Variants in EPC1 observed in about 807,000 individuals in gnomAD.
The protein encoded by EPC1 is enhancer of polycomb homolog 1.
A neutral mutation model predicts 98.4 loss-of-function variants in EPC1; 12 were observed. The ratio of observed to expected loss-of-function variants is 0.12; its 90% CI spans 0.08 to 0.20. EPC1 has a LOEUF of 0.20. EPC1 is among the 10% of genes least tolerant of loss of function. The probability of loss-of-function intolerance (pLI) is 1.00; values close to 1 mark genes in which losing one functional copy is unlikely to be tolerated. For missense variants in EPC1, 729 were observed against 990.5 expected, an observed-to-expected ratio of 0.74 and a Z score of 3.54; for synonymous variants, 357 against 363.9, an observed-to-expected ratio of 0.98 and a Z score of 0.21.
In EPC1 at chr10:32,269,088, T is replaced by C. The variant is rs1256610790; in HGVS notation, c.2417A>G (p.Asn806Ser). The C allele has an allele frequency of 3.1e-6, 5 of 1,613,912 alleles. No homozygotes were observed. Among genetic ancestry groups the C allele is most frequent in the Non-Finnish European group, 4.2e-6 (5 of 1,179,938 alleles). The change falls in exon 14 of 14, where the codon AAC becomes AGC. Residue 806 changes from asparagine (N) to serine (S), a missense_variant. Asn to Ser is a conservative substitution (Grantham distance 46). Around this residue, in one of 6 missense-constraint regions of EPC1, gnomAD observed 156 missense variants for 188.9 expected, o/e 0.83. Coordinates refer to ENST00000319778, the MANE Select transcript of EPC1 (RefSeq NM_001272004.3). ...CTACGTCACCTCCATCGCTACTGTG[T>C]TGTCTGCTATGTTGTTCAGTGCTGG... ...EKPALNNIADNTVAMEVT is the reference protein window; with the variant it reads ...EKPALNNIADSTVAMEVT
chr10:32,368,487 T>C (rs895265523), intron 1 of EPC1, among the ~76,000 whole-genome samples: 1 of 152,230 alleles, frequency 6.6e-6, no homozygotes, highest in Non-Finnish European at 1.5e-5. Context: ...TACCCATCCT[T>C]CAAGGTTCCA....
intron 2 of EPC1, among the ~76,000 whole-genome samples, chr10:32,297,647 T>C (rs1835249451): frequency 1.3e-5 from 2 of 152,122 alleles, no homozygotes; most frequent in Non-Finnish European, 2.9e-5. Flanking sequence ...AAAAATATTC[T>C]GATAGGAATA....
chr10:32,324,000 A>C (rs1282545037), intron 1 of EPC1, among the ~76,000 whole-genome samples: 5 of 152,046 alleles, frequency 3.3e-5, no homozygotes, highest in Non-Finnish European at 5.9e-5. Context: ...CAGTGGCGCG[A>C]TCTCGGCTCA....
intron 6 of EPC1, among the ~76,000 whole-genome samples, chr10:32,289,904 A>G (rs1836901909): frequency 6.6e-6 from 1 of 152,168 alleles, no homozygotes; most frequent in South Asian, 2.1e-4. Flanking sequence ...GATTACAGGC[A>G]TGAACCACCG....
chr10:32,348,274 G>T (rs1194129045), upstream of EPC1, among the ~76,000 whole-genome samples: 1 of 151,328 alleles, frequency 6.6e-6, no homozygotes, highest in African/African-American at 2.5e-5. Context: ...CGTTGTTGTT[G>T]TTGTTAATAG....
At chr10:32,335,688 A>G (rs1429277680) in intron 1 of EPC1, among the ~76,000 whole-genome samples, 1 of 152,190 alleles carries the variant, frequency 6.6e-6, no homozygotes, top group Non-Finnish European at 1.5e-5. Flanking sequence ...TGTTTTCTCA[A>G]CTACCACACT....
chr10:32,347,396 G>A (rs1488229661), upstream of EPC1: 5 of 171,770 alleles, frequency 2.9e-5, no homozygotes, highest in Non-Finnish European at 4.8e-5. Context: ...CCGGCTCTTG[G>A]GTCGTGCTCT....
chr10:32,344,065 AG>A (rs1453588043), intron 1 of EPC1, among the ~76,000 whole-genome samples: 1 of 152,246 alleles, frequency 6.6e-6, no homozygotes, highest in Admixed American at 6.5e-5. Flanking sequence ...CTAATGTGTC[AG>A]TTAAAGGCAG....
intron 10 of EPC1, among the ~76,000 whole-genome samples, chr10:32,276,888 A>C (rs967986560): frequency 6.6e-6 from 1 of 152,210 alleles, no homozygotes; most frequent in Non-Finnish European, 1.5e-5. Context: ...AATTCCCACA[A>C]AGGTGGACAA....
intron 1 of EPC1, among the ~76,000 whole-genome samples, chr10:32,312,618 A>C (rs1836308683): frequency 6.6e-6 from 1 of 152,146 alleles, no homozygotes; most frequent in Non-Finnish European, 1.5e-5. Context: ...GCAACATAAG[A>C]GAAGGGATTT....
intron 5 of EPC1, chr10:32,292,012 A>C (rs1044072541): frequency 3.9e-5 from 6 of 152,198 alleles, no homozygotes; most frequent in African/African-American, 1.4e-4. Flanking sequence ...ATTTTTCTAA[A>C]AGTAATCACA....
At chr10:32,273,015 T>C (rs201906815) in intron 11 of EPC1, 148 bp downstream of exon 11, 1 of 1,613,734 alleles carries the variant, frequency 6.2e-7, no homozygotes, top group Admixed American at 1.7e-5. Flanking sequence ...CATACTCACC[T>C]GTAGTGTTCT....
intron 1 of EPC1, chr10:32,345,154 T>TA (rs1165179598): frequency 3.1e-6 from 3 of 980,870 alleles, no homozygotes; most frequent in Middle Eastern, 5.3e-4. Flanking sequence ...AATCACTTAT[T>TA]AAAAAATAAA....
At position 32,301,038 on chromosome 10, in the gene EPC1, ATATCTATCTATCTATCTATCTATC is replaced by A. The variant is rs145962262; in HGVS notation, c.313+4710_313+4733del. ...AGAGGAAAGAATTAGAAGCACATTT[ATATCTATCTATCTATCTATCTATC>A]TATCTATCTATCTATCTATCTATCT... On this transcript the variant is annotated intron_variant, in intron 2 of 13. Coordinates refer to ENST00000319778, the MANE Select transcript of EPC1 (RefSeq NM_001272004.3). Among the ~76,000 whole-genome samples the A allele has an allele frequency of 4.4e-3, 623 of 143,100 alleles. 4 individuals carry two copies. Among genetic ancestry groups the A allele is most frequent in the South Asian group, 0.032 (145 of 4,586 alleles). The allele number at this position is 143,100 out of a possible 152,430, so 93.9% of individuals were successfully genotyped here. A position where few individuals can be genotyped will look rare whatever the true frequency, so the allele number is the denominator to read the frequency against.
rs1474383972 is a variant in EPC1, at chr10:32,268,310, C to T, written c.*753G>A. ...TTTAAGTACCAGAAACCACCCACAG[C>T]TTTGTGGGCAAGTTGGGGATGGAAA... On this transcript the variant is annotated 3_prime_UTR_variant, in exon 14 of 14. Coordinates refer to ENST00000319778, the MANE Select transcript of EPC1 (RefSeq NM_001272004.3). 2 of 152,160 alleles carry T rather than the reference C, an allele frequency of 1.3e-5. No individual in the cohort carries two copies. The highest frequency in any genetic ancestry group is 4.8e-5 in the African/African-American group (2 of 41,502). The allele number at this position is 152,160 out of a possible 1,614,324, so 9.4% of individuals were successfully genotyped here.
chr10:32,338,518 C>T (rs899003614), intron 1 of EPC1, among the ~76,000 whole-genome samples: 7 of 152,172 alleles, frequency 4.6e-5, no homozygotes, highest in African/African-American at 1.7e-4. Flanking sequence ...GGTAGCCTAA[C>T]AATCCCTTCC....
intron 1 of EPC1, among the ~76,000 whole-genome samples, chr10:32,360,967 A>G (rs772028303): frequency 2.1e-4 from 32 of 152,162 alleles, no homozygotes; most frequent in Admixed American, 3.9e-4. Flanking sequence ...CCTGTCAAAC[A>G]GCCCGTTCCT....
At chr10:32,314,482 T>TC (rs2132868265) in intron 1 of EPC1, among the ~76,000 whole-genome samples, 1 of 152,334 alleles carries the variant, frequency 6.6e-6, no homozygotes, top group South Asian at 2.1e-4. Flanking sequence ...AACATCTGAC[T>TC]CCAAGTCCAG....
At position 32,305,758 on chromosome 10, in the gene EPC1, G is replaced by C; in HGVS notation, c.313+14C>G. 2 of 1,564,610 alleles carry C rather than the reference G, an allele frequency of 1.3e-6. No homozygotes were observed. On this transcript the variant is annotated intron_variant, in intron 2 of 13. Coordinates refer to ENST00000319778, the MANE Select transcript of EPC1 (RefSeq NM_001272004.3). ...AATATAGAAAATACAATCATTAAGA[G>C]AATCATTACTTACGCTGTATGTGAA...
Sources: gnomAD v4.1 joint callset for allele counts (sites outside exome capture counted in the v4.1 genomes callset) on GRCh38, gnomAD v4.1.1 for gene constraint, gnomAD v4.1.1 regional missense constraint, MANE v1.5 for transcripts, NCBI Gene and HGNC (gene_info 2026-07-23, HGNC 2026-07-21) for gene names.